Variants in SMC1A observed in about 807,000 individuals in gnomAD.
SMC1A encodes structural maintenance of chromosomes 1A, also known as structural maintenance of chromosomes protein 1A.
SMC1A carries 4 observed loss-of-function variants against 94.5 expected under a neutral mutation model. That is an observed-to-expected ratio of 0.04 (90% CI 0.02 to 0.10). The LOEUF (loss-of-function observed/expected upper bound fraction) is 0.10, where lower values mean the gene tolerates loss of function less well. SMC1A is among the 10% of genes least tolerant of loss of function. SMC1A has a pLI of 1.00. For missense variants in SMC1A, 304 were observed against 989.0 expected (o/e 0.31, Z 9.29); for synonymous variants, 345 against 347.7 (o/e 0.99, Z 0.09).
intron 1 of SMC1A, chrX:53,421,861 G>C (rs1556892096): frequency 8.5e-7 from 1 of 1,174,766 alleles, no homozygotes; most frequent in African/African-American, 1.8e-5. Flanking sequence ...TGACGGTTTC[G>C]GTGGTAGGAA....
At chrX:53,412,783 G>T in intron 5 of SMC1A, 117 bp downstream of exon 5, 5 of 1,095,455 alleles carry the variant, frequency 4.6e-6, no homozygotes, top group Non-Finnish European at 6.3e-6. Flanking sequence ...ACAAAAGCAA[G>T]TTAGGAGAAT....
chrX:53,377,195 C>T lies in SMC1A; in HGVS notation c.*2908G>A, dbSNP rs1556885343. On this transcript the variant is annotated 3_prime_UTR_variant, in exon 25 of 25. Transcript: ENST00000322213. ...TGGAAGTCTAGGCTCTGCCACTAAACCAGTGGAATCTTGGACAAGTCACCT... is the reference window on the plus strand; with the variant it reads ...TGGAAGTCTAGGCTCTGCCACTAAATCAGTGGAATCTTGGACAAGTCACCT... The T allele has an allele frequency of 8.9e-6, 1 of 111,996 alleles. No homozygotes were observed. Among genetic ancestry groups the T allele is most frequent in the Non-Finnish European group, 1.9e-5 (1 of 53,195 alleles). The allele number at this position is 111,996 out of a possible 1,213,427, so 9.2% of individuals were successfully genotyped here.
At position 53,380,891 on chromosome X, in the gene SMC1A, T is replaced by C. The variant is rs782343440; in HGVS notation, c.3507+127A>G. The C allele has an allele frequency of 4.7e-5, 32 of 674,574 alleles. No individual in the cohort carries two copies. The African/African-American group carries it at 5.2e-4, about 11-fold the overall frequency. The allele number at this position is 674,574 out of a possible 1,213,427, so 55.6% of individuals were successfully genotyped here. A position where few individuals can be genotyped will look rare whatever the true frequency, so the allele number is the denominator to read the frequency against. On this transcript the variant is annotated intron_variant, in intron 23 of 24. Coordinates refer to ENST00000322213, the MANE Select transcript of SMC1A (RefSeq NM_006306.4). ...CTGACTACCACAGCATGGATGACTC[T>C]GGGCCCAGCCTCCCAGGCACAGAGA...
At chrX:53,384,010 G>A (rs1556886222) in intron 19 of SMC1A, among the ~76,000 whole-genome samples, 2 of 111,815 alleles carry the variant, frequency 1.8e-5, no homozygotes, top group African/African-American at 3.3e-5. Flanking sequence ...CAGAGATCAG[G>A]AGATTGATAG....
At chrX:53,383,306 G>A (rs2075592200) in intron 19 of SMC1A, 53 bp from the exon 20 acceptor site, 3 of 1,120,509 alleles carry the variant, frequency 2.7e-6, no homozygotes, top group Admixed American at 5.2e-5. Flanking sequence ...CTGTGCCAAG[G>A]CCCCCACCGA....
intron 19 of SMC1A, among the ~76,000 whole-genome samples, chrX:53,389,596 G>T (rs1390236265): frequency 9.1e-6 from 1 of 110,348 alleles, no homozygotes; most frequent in Non-Finnish European, 1.9e-5. Flanking sequence ...CGGGCATGGT[G>T]GCGGGCACCT....
At chrX:53,383,060 T>C in intron 20 of SMC1A, 37 bp downstream of exon 20, 2 of 1,183,552 alleles carry the variant, frequency 1.7e-6, no homozygotes, top group East Asian at 3.0e-5. Context: ...TAGCCTCTTG[T>C]CCTCATCGTA....
intron 1 of SMC1A, chrX:53,421,881 T>C (rs782719152): frequency 1.7e-6 from 2 of 1,192,064 alleles, no homozygotes; most frequent in South Asian, 1.8e-5. Context: ...AAAGGGCGAG[T>C]TCGAGGCAAC....
intron 15 of SMC1A, among the ~76,000 whole-genome samples, chrX:53,401,114 C>T (rs1408006009): frequency 9.0e-6 from 1 of 111,566 alleles, no homozygotes; most frequent in Non-Finnish European, 1.9e-5. Flanking sequence ...ATCCTACTCA[C>T]TCTTCAGGTC....
At chrX:53,397,731 T>C (rs1234629820) in intron 16 of SMC1A, among the ~76,000 whole-genome samples, 4 of 112,004 alleles carry the variant, frequency 3.6e-5, no homozygotes, top group African/African-American at 9.7e-5. Flanking sequence ...GATGGGTAGA[T>C]AGGAGTTCTT....
In SMC1A at chrX:53,415,749, G is replaced by A. The variant is rs782314506; in HGVS notation, c.110-580C>T. On this transcript the variant is annotated intron_variant, in intron 1 of 24. Coordinates refer to ENST00000322213, the MANE Select transcript of SMC1A (RefSeq NM_006306.4). ...CTCAGAAGGCTGAGGAGGGAGGATC[G>A]CTTGAGCTCAAGAGTTCAAAGCTGC... Among the ~76,000 whole-genome samples, 13 of 105,149 alleles carry A rather than the reference G, an allele frequency of 1.2e-4. 1 individual carries two copies. The highest frequency in any genetic ancestry group is 2.8e-4 in the African/African-American group (8 of 28,531). The allele number at this position is 105,149 out of a possible 115,157, so 91.3% of individuals were successfully genotyped here. A position where few individuals can be genotyped will look rare whatever the true frequency, so the allele number is the denominator to read the frequency against.
At chrX:53,409,293 G>A (rs370020900) in intron 8 of SMC1A, 24 bp from the exon 9 acceptor site, 57 of 1,192,307 alleles carry the variant, frequency 4.8e-5, no homozygotes, top group Non-Finnish European at 6.2e-5. Context: ...GCACACAGGA[G>A]TTACTCCTGC....
intron 16 of SMC1A, among the ~76,000 whole-genome samples, chrX:53,396,953 T>C (rs2075653490): frequency 8.9e-6 from 1 of 112,224 alleles, no homozygotes; most frequent in Non-Finnish European, 1.9e-5. Flanking sequence ...TTTTACATAG[T>C]TGAGACTAGA....
chrX:53,397,554 C>T (rs1365658771), intron 16 of SMC1A, among the ~76,000 whole-genome samples: 2 of 99,445 alleles, frequency 2.0e-5, no homozygotes, highest in South Asian at 4.9e-4. Context: ...GCACTCTAAA[C>T]AGGGCGACAG....
intron 16 of SMC1A, among the ~76,000 whole-genome samples, chrX:53,397,005 A>T (rs1440382391): frequency 9.0e-6 from 1 of 110,996 alleles, no homozygotes; most frequent in Non-Finnish European, 1.9e-5. Context: ...GTTATATTTG[A>T]GCATTTTTTT....
intron 13 of SMC1A, 27 bp downstream of exon 13, chrX:53,404,985 A>G: frequency 8.4e-7 from 1 of 1,185,479 alleles, no homozygotes; most frequent in East Asian, 3.1e-5. Context: ...TGGCCTTTGG[A>G]GAACAGGGCT....
Position 53,377,747 on chromosome X carries a change from A to C in SMC1A, c.*2356T>G, listed in dbSNP as rs2075565308. On this transcript the variant is annotated 3_prime_UTR_variant, in exon 25 of 25. Coordinates refer to ENST00000322213, the MANE Select transcript of SMC1A (RefSeq NM_006306.4). The stretch of plus-strand genomic sequence containing the variant: ...CAGCCAAATTGCTTCATATATATTT[A>C]ATTTTCTCTTTGCTTCACTACTGCA... 1 of 110,966 alleles carries C rather than the reference A, an allele frequency of 9.0e-6. No homozygotes were observed. Among genetic ancestry groups the C allele is most frequent in the African/African-American group, 3.3e-5 (1 of 30,522 alleles). 9.1% of individuals were successfully genotyped at this position (110,966 alleles called of 1,213,427 possible).
intron 19 of SMC1A, among the ~76,000 whole-genome samples, chrX:53,386,214 C>A (rs1410657419): frequency 9.0e-6 from 1 of 111,257 alleles, no homozygotes; most frequent in African/African-American, 3.3e-5. Flanking sequence ...AAGAACATAT[C>A]CATAATGTGG....
intron 19 of SMC1A, among the ~76,000 whole-genome samples, chrX:53,389,849 T>C (rs1332817370): frequency 3.4e-5 from 3 of 87,653 alleles, no homozygotes; most frequent in Admixed American, 1.2e-4. Flanking sequence ...TTTCTTTTTT[T>C]TTTTTTTTTT....
Sources: allele counts gnomAD v4.1 joint callset (sites outside exome capture counted in the v4.1 genomes callset), GRCh38; gene constraint gnomAD v4.1.1; transcripts MANE v1.5; gene names NCBI Gene and HGNC (gene_info 2026-07-23, HGNC 2026-07-21).